HERC6: variants seen among roughly 807,000 people sequenced by gnomAD.
HERC6 encodes HECT and RLD domain containing E3 ubiquitin protein ligase family member 6.
Under a neutral mutation model 114.5 loss-of-function variants are expected in HERC6, and 101 were observed. That is an observed-to-expected ratio of 0.88 (90% CI 0.75 to 1.04). The LOEUF (loss-of-function observed/expected upper bound fraction) is 1.04, where lower values mean the gene tolerates loss of function less well. HERC6 is among the 50% of genes least tolerant of loss of function. The pLI is 0.00. For missense variants in HERC6, 1,133 were observed against 1,230.9 expected, an observed-to-expected ratio of 0.92 and a Z score of 1.19; for synonymous variants, 408 against 436.2, an observed-to-expected ratio of 0.94 and a Z score of 0.81.
intron 15 of HERC6, among the ~76,000 whole-genome samples, chr4:88,425,794 C>G (rs1737546127): frequency 6.6e-6 from 1 of 151,394 alleles, no homozygotes; most frequent in South Asian, 2.1e-4. Flanking sequence ...ATTTTCCAAA[C>G]TTTTTTTTTA....
chr4:88,389,234 C>T (rs1045909770), intron 3 of HERC6, among the ~76,000 whole-genome samples: 6 of 151,350 alleles, frequency 4.0e-5, no homozygotes, highest in Non-Finnish European at 7.4e-5. Context: ...AGATGAAGTC[C>T]GGGAAGTGGG....
At chr4:88,437,656 G>A in intron 19 of HERC6, 55 bp from the exon 20 acceptor site, 3 of 1,077,406 alleles carry the variant, frequency 2.8e-6, no homozygotes, top group Non-Finnish European at 2.8e-6. Flanking sequence ...ATTATGGGTG[G>A]TTGATTATTC....
chr4:88,396,911 A>G lies in HERC6; in HGVS notation c.948A>G (p.Pro316=), dbSNP rs1282523298. The G allele has an allele frequency of 4.3e-6, 7 of 1,611,454 alleles. No individual in the cohort carries two copies. Among genetic ancestry groups the G allele is most frequent in the Non-Finnish European group, 5.9e-6 (7 of 1,178,278 alleles). ...TGQVVSFGHG[P]SDTSKPTHPE... is the part of the protein sequence containing the mutation. ...AGGTGGTATCTTTTGGTCATGGACC[A>G]AGTGACACAAGCAAGCCAACTCATC... Residue 316 remains proline (P), a synonymous_variant, in exon 7 of 23, where the codon CCA becomes CCG. Transcript: ENST00000264346.
At chr4:88,388,626 A>G (rs1453467253) in intron 3 of HERC6, among the ~76,000 whole-genome samples, 1 of 152,068 alleles carries the variant, frequency 6.6e-6, no homozygotes, top group Non-Finnish European at 1.5e-5. Flanking sequence ...GGGGAGAACC[A>G]TAGAGCAATT....
At chr4:88,407,540 C>G (rs527998093) in intron 10 of HERC6, among the ~76,000 whole-genome samples, 16 of 152,106 alleles carry the variant, frequency 1.1e-4, no homozygotes, top group African/African-American at 2.9e-4. Flanking sequence ...GCTGGGACTA[C>G]AGGTGTGCAC....
intron 8 of HERC6, among the ~76,000 whole-genome samples, chr4:88,401,408 C>A (rs958939536): frequency 3.3e-5 from 5 of 150,218 alleles, no homozygotes; most frequent in Non-Finnish European, 5.9e-5. Flanking sequence ...CAGAGAATTG[C>A]TTGAACCTGG....
In HERC6 at chr4:88,383,220, G is replaced by T. The variant is rs770065117; in HGVS notation, c.200-1G>T. ...GGGGTGTTTTGTTTTGTTTCCCAAA[G>T]AACCAATTCAGGCATTGGAAACCCT... On this transcript the variant is annotated splice_acceptor_variant, in intron 1 of 22. Coordinates refer to ENST00000264346, the MANE Select transcript of HERC6 (RefSeq NM_017912.4). LOFTEE classifies it high-confidence loss of function. 6.2e-6 allele frequency: 10 copies of T among 1,609,758 alleles called. No homozygotes were observed. Among genetic ancestry groups the T allele is most frequent in the African/African-American group, 1.3e-5 (1 of 74,830 alleles).
chr4:88,440,252 TA>T lies in HERC6; in HGVS notation c.2842+4del. 6.7e-7 allele frequency: 1 copy of T among 1,496,874 alleles called. No individual in the cohort carries two copies. Among genetic ancestry groups the T allele is most frequent in the Non-Finnish European group, 9.2e-7 (1 of 1,083,614 alleles). 92.7% of individuals were successfully genotyped at this position (1,496,874 alleles called of 1,614,324 possible). On this transcript the variant is annotated splice_donor_region_variant and intron_variant, in intron 22 of 22. Coordinates refer to ENST00000264346, the MANE Select transcript of HERC6 (RefSeq NM_017912.4). ...TGGATGAAAAGAAAAAATTCCTCTGTAAGTACTGTGGTACTAGATGGACACA... is the reference window on the plus strand; with the variant it reads ...TGGATGAAAAGAAAAAATTCCTCTGTAGTACTGTGGTACTAGATGGACACA...
In HERC6 at chr4:88,381,226, TTC is replaced by T. The variant is rs200353887; in HGVS notation, c.200-1994_200-1993del. On this transcript the variant is annotated intron_variant, in intron 1 of 22. Transcript: ENST00000264346. ...AAAATTTTTCCTCTACCCTCTTAGG[TTC>T]AGCGGCTGGGTCCTGCAAACTTAAC... 4.5e-3 allele frequency among the ~76,000 whole-genome samples: 678 copies of T among 152,240 alleles called. 6 individuals are homozygous for T. The highest frequency in any genetic ancestry group is 0.016 in the African/African-American group (650 of 41,556).
At chr4:88,381,933 G>A (rs563245481) in intron 1 of HERC6, among the ~76,000 whole-genome samples, 9 of 152,192 alleles carry the variant, frequency 5.9e-5, no homozygotes, top group African/African-American at 1.9e-4. Context: ...GATAAGAAGA[G>A]AGCAGAGACC....
chr4:88,410,580 C>G (rs1378859043), intron 11 of HERC6, among the ~76,000 whole-genome samples: 1 of 152,070 alleles, frequency 6.6e-6, no homozygotes, highest in African/African-American at 2.4e-5. Context: ...ATCTTGTGAC[C>G]TAATTACCTA....
chr4:88,389,337 AT>A (rs1734770465), intron 3 of HERC6, among the ~76,000 whole-genome samples: 1 of 152,114 alleles, frequency 6.6e-6, no homozygotes, highest in South Asian at 2.1e-4. Flanking sequence ...TTGGACTTAG[AT>A]TTTTAAAAGG....
At chr4:88,392,075 C>T in intron 4 of HERC6, among the ~76,000 whole-genome samples, 1 of 69,720 alleles carries the variant, frequency 1.4e-5, no homozygotes, top group Non-Finnish European at 3.0e-5. Flanking sequence ...TCCCCTTCTC[C>T]CCTCCACTCC....
intron 1 of HERC6, among the ~76,000 whole-genome samples, chr4:88,380,489 C>T (rs1578363630): frequency 2.2e-5 from 3 of 134,438 alleles, no homozygotes; most frequent in East Asian, 2.0e-4. Context: ...GAGGCCGAGG[C>T]GGGCGGAGCA....
intron 15 of HERC6, among the ~76,000 whole-genome samples, chr4:88,426,696 G>A (rs1029779120): frequency 4.0e-5 from 6 of 151,464 alleles, no homozygotes; most frequent in Admixed American, 1.3e-4. Flanking sequence ...GGCTGGTCTC[G>A]AACTCCTGAC....
chr4:88,382,604 A>G (rs1250419634), intron 1 of HERC6, among the ~76,000 whole-genome samples: 2 of 152,188 alleles, frequency 1.3e-5, no homozygotes, highest in African/African-American at 4.8e-5. Flanking sequence ...TCCTTTAAAT[A>G]ACAGCCATTA....
chr4:88,438,125 C>CAAA (rs746047106), intron 20 of HERC6, among the ~76,000 whole-genome samples: 23 of 43,754 alleles, frequency 5.3e-4, no homozygotes, highest in African/African-American at 7.5e-4. Context: ...GACTGTGTCT[C>CAAA]AAAAAAAAAA....
At chr4:88,397,646 G>A (rs1234505347) in intron 7 of HERC6, among the ~76,000 whole-genome samples, 1 of 151,710 alleles carries the variant, frequency 6.6e-6, no homozygotes, top group Non-Finnish European at 1.5e-5. Flanking sequence ...GCAGTGAGCC[G>A]AGATCGTCCA....
At chr4:88,417,354 A>G in intron 12 of HERC6, 71 bp from the exon 13 acceptor site, 1 of 1,352,054 alleles carries the variant, frequency 7.4e-7, no homozygotes, top group Non-Finnish European at 1.0e-6. Context: ...ACATTAAAGA[A>G]CCCACTAGAA....
Sources: allele counts gnomAD v4.1 joint callset (sites outside exome capture counted in the v4.1 genomes callset), GRCh38; gene constraint gnomAD v4.1.1; transcripts MANE v1.5; gene names NCBI Gene and HGNC (gene_info 2026-07-23, HGNC 2026-07-21).